Variants in EPHA4 observed in about 807,000 individuals in gnomAD.
The protein encoded by EPHA4 is ephrin type-A receptor 4.
A neutral mutation model predicts 108.3 loss-of-function variants in EPHA4; 19 were observed. That is an observed-to-expected ratio of 0.18 (90% confidence interval 0.12 to 0.26). EPHA4 has a LOEUF of 0.26. Ranked by LOEUF, EPHA4 falls within the 10% of genes least tolerant of loss-of-function variation. The probability of loss-of-function intolerance (pLI) is 1.00; values close to 1 mark genes in which losing one functional copy is unlikely to be tolerated. For missense variants in EPHA4, 917 were observed against 1,254.0 expected, an observed-to-expected ratio of 0.73 and a Z score of 4.06; for synonymous variants, 449 against 455.5, an observed-to-expected ratio of 0.99 and a Z score of 0.18.
At chr2:221,544,508 TAG>T (rs1693928000) in intron 3 of EPHA4, among the ~76,000 whole-genome samples, 1 of 152,060 alleles carries the variant, frequency 6.6e-6, no homozygotes, top group Non-Finnish European at 1.5e-5. Flanking sequence ...GTATTTTTAG[TAG>T]AGATGGGGTT....
chr2:221,488,380 T>C (rs1015568218), intron 4 of EPHA4, among the ~76,000 whole-genome samples: 3 of 152,210 alleles, frequency 2.0e-5, no homozygotes, highest in Admixed American at 6.5e-5. Context: ...CTCTGGCTGC[T>C]AAAGTCCAAG....
chr2:221,483,535 T>TGTGTGTGTGTGTGTGA (rs574575643), intron 4 of EPHA4, among the ~76,000 whole-genome samples: 34 of 150,306 alleles, frequency 2.3e-4, no homozygotes, highest in African/African-American at 8.3e-4. Context: ...TGTGTGTGTG[T>TGTGTGTGTGTGTGTGA]GATGGAGTCT....
At chr2:221,432,787 G>A (rs999928198) in intron 14 of EPHA4, among the ~76,000 whole-genome samples, 4 of 150,338 alleles carry the variant, frequency 2.7e-5, no homozygotes, top group Non-Finnish European at 5.9e-5. Flanking sequence ...GGGACTACAG[G>A]CGCACACCAC....
At chr2:221,507,116 G>A (rs1334946323) in intron 3 of EPHA4, among the ~76,000 whole-genome samples, 2 of 152,136 alleles carry the variant, frequency 1.3e-5, no homozygotes, top group East Asian at 3.9e-4. Context: ...TGATCTTGTA[G>A]GACATGTTCA....
At chr2:221,452,319 C>T (rs1193653777) in intron 8 of EPHA4, among the ~76,000 whole-genome samples, 1 of 152,250 alleles carries the variant, frequency 6.6e-6, no homozygotes, top group East Asian at 1.9e-4. Context: ...TAATCTGTTG[C>T]TTTCTCATAC....
At chr2:221,496,630 G>A (rs1019779381) in intron 4 of EPHA4, among the ~76,000 whole-genome samples, 15 of 152,158 alleles carry the variant, frequency 9.9e-5, no homozygotes, top group East Asian at 1.9e-4. Flanking sequence ...TCTGTTGGCC[G>A]GGTGTGGTGG....
intron 4 of EPHA4, among the ~76,000 whole-genome samples, chr2:221,485,626 C>T (rs1279457409): frequency 6.6e-6 from 1 of 152,142 alleles, no homozygotes; most frequent in Non-Finnish European, 1.5e-5. Context: ...GGAGAGGACA[C>T]ACGCTTTACA....
upstream of EPHA4, chr2:221,572,326 G>A (rs565841354): frequency 3.0e-6 from 4 of 1,344,638 alleles, 1 homozygote; most frequent in African/African-American, 4.3e-5. Context: ...GCAGCGGGCT[G>A]AAGACATTGC....
intron 4 of EPHA4, among the ~76,000 whole-genome samples, chr2:221,489,897 C>T (rs761434116): frequency 2.6e-5 from 4 of 152,130 alleles, no homozygotes; most frequent in Non-Finnish European, 5.9e-5. Flanking sequence ...AATCCCAGAA[C>T]TTTGGGAGGC....
intron 8 of EPHA4, among the ~76,000 whole-genome samples, 187 bp downstream of exon 8, chr2:221,455,360 G>T (rs1417119159): frequency 6.6e-6 from 1 of 151,140 alleles, no homozygotes; most frequent in Non-Finnish European, 1.5e-5. Flanking sequence ...CTCTCAGCCT[G>T]CCACCAGGGT....
chr2:221,424,142 T>A (rs74674664), intron 17 of EPHA4, among the ~76,000 whole-genome samples: 79 of 55,308 alleles, frequency 1.4e-3, no homozygotes, highest in South Asian at 3.7e-3. Context: ...TAATAATAAT[T>A]TTTTTTTTTT....
Position 221,426,470 on chromosome 2 carries a change from T to G in EPHA4, c.2840A>C (p.Asn947Thr). ...TACATCGTTGAGTACTTACTCCTGGTTCACGTGCACCACAGCCTCTAGTGT... is the reference window on the plus strand; with the variant it reads ...TACATCGTTGAGTACTTACTCCTGGGTCACGTGCACCACAGCCTCTAGTGT... ...YTTLEAVVHV[N>T]QEDLARIGIT... Residue 947 changes from asparagine (N) to threonine (T), a missense_variant, in exon 16 of 18, where the codon AAC becomes ACC. By Grantham distance (65) the Asn-to-Thr change is moderately conservative. Around this residue, in one of 3 missense-constraint regions of EPHA4, gnomAD observed 133 missense variants for 132.8 expected, o/e 1.00. Transcript: ENST00000281821. 1 of 1,602,162 alleles carries G rather than the reference T, an allele frequency of 6.2e-7. No individual in the cohort carries two copies. Among genetic ancestry groups the G allele is most frequent in the Non-Finnish European group, 8.5e-7 (1 of 1,177,024 alleles).
At chr2:221,468,845 C>G (rs1196652471) in intron 5 of EPHA4, among the ~76,000 whole-genome samples, 1 of 152,340 alleles carries the variant, frequency 6.6e-6, no homozygotes. Context: ...GCTAAAAGAG[C>G]CTGTCTGCTT....
At position 221,522,926 on chromosome 2, in the gene EPHA4, C is replaced by T. The variant is rs753403105; in HGVS notation, c.824-21754G>A. On this transcript the variant is annotated intron_variant, in intron 3 of 17. Coordinates refer to ENST00000281821, the MANE Select transcript of EPHA4 (RefSeq NM_004438.5). Reference sequence around the variant, plus strand: ...GGGATTACAGGTGCGTGCCACCATCCACCTAATTTTTGACGGGGTTTCACC... The same window carrying T: ...GGGATTACAGGTGCGTGCCACCATCTACCTAATTTTTGACGGGGTTTCACC... Among the ~76,000 whole-genome samples the T allele has an allele frequency of 6.8e-4, 103 of 151,928 alleles. 1 individual carries two copies. The highest frequency in any genetic ancestry group is 4.4e-5 in the Non-Finnish European group (3 of 68,008).
intron 8 of EPHA4, among the ~76,000 whole-genome samples, chr2:221,446,861 T>G (rs1267755344): frequency 1.3e-5 from 2 of 152,236 alleles, no homozygotes; most frequent in East Asian, 3.8e-4. Context: ...AAATGAGCTT[T>G]GTTTTGCTTT....
chr2:221,516,387 C>G (rs1285912167), intron 3 of EPHA4, among the ~76,000 whole-genome samples: 53 of 136,324 alleles, frequency 3.9e-4, no homozygotes, highest in Non-Finnish European at 6.1e-5. Context: ...CGCAGTCTTG[C>G]TCTGTCCTGT....
intron 5 of EPHA4, among the ~76,000 whole-genome samples, chr2:221,458,743 G>T (rs555948223): frequency 1.8e-4 from 28 of 152,290 alleles, no homozygotes; most frequent in Middle Eastern, 3.4e-3. Flanking sequence ...CACCCAGGCT[G>T]CCCGATGCTC....
intron 5 of EPHA4, among the ~76,000 whole-genome samples, chr2:221,461,506 A>G (rs76153022): frequency 0.024 from 3,580 of 152,240 alleles, 89 homozygotes; most frequent in East Asian, 0.081. Context: ...TAAAAAGACC[A>G]AGTGGAAAAA....
chr2:221,486,752 A>ATAATAT (rs1216994151), intron 4 of EPHA4, among the ~76,000 whole-genome samples: 1 of 147,690 alleles, frequency 6.8e-6, no homozygotes, highest in East Asian at 2.0e-4. Context: ...AATAATAATA[A>ATAATAT]TAATAATAAT....
Sources: allele counts gnomAD v4.1 joint callset (sites outside exome capture counted in the v4.1 genomes callset), GRCh38; gene constraint gnomAD v4.1.1; regional missense constraint gnomAD v4.1.1; transcripts MANE v1.5; gene names NCBI Gene and HGNC (gene_info 2026-07-23, HGNC 2026-07-21).